ZNF184: variants seen among roughly 807,000 people sequenced by gnomAD.
ZNF184 encodes zinc finger protein 184.
ZNF184 carries 16 observed loss-of-function variants against 54.4 expected under a neutral mutation model. That is an observed-to-expected ratio of 0.29 (90% CI 0.20 to 0.45). The LOEUF is 0.45. Ranked by LOEUF, ZNF184 falls within the 20% of genes least tolerant of loss-of-function variation. The pLI is 1.00. For missense variants in ZNF184, 681 were observed against 888.2 expected (o/e 0.77, Z 2.97); for synonymous variants, 254 against 295.3 (o/e 0.86, Z 1.43).
intron 3 of ZNF184, among the ~76,000 whole-genome samples, chr6:27,464,546 A>G (rs1763075464): frequency 6.6e-6 from 1 of 152,230 alleles, no homozygotes; most frequent in Non-Finnish European, 1.5e-5. Flanking sequence ...AAAGAAGGTA[A>G]GAATAGAAGG....
chr6:27,437,194 T>C, the ZNF184 span, among the ~76,000 whole-genome samples: 3 of 152,218 alleles, frequency 2.0e-5, no homozygotes, highest in Non-Finnish European at 4.4e-5. Context: ...GTAGATGTAA[T>C]TAAGATTACT....
chr6:27,468,517 C>T (rs866539727), intron 2 of ZNF184, among the ~76,000 whole-genome samples: 1 of 152,180 alleles, frequency 6.6e-6, no homozygotes, highest in African/African-American at 2.4e-5. Flanking sequence ...AGCAATTCCA[C>T]TCCTGTCCTT....
At chr6:27,467,768 G>T in intron 3 of ZNF184, 85 bp downstream of exon 3, 1 of 1,312,114 alleles carries the variant, frequency 7.6e-7, no homozygotes, top group Non-Finnish European at 1.1e-6. Context: ...ATTGATTTTT[G>T]GATAAATAGA....
At chr6:27,436,775 A>G in the ZNF184 span, among the ~76,000 whole-genome samples, 1 of 152,240 alleles carries the variant, frequency 6.6e-6, no homozygotes, top group Non-Finnish European at 1.5e-5. Context: ...CTTGGAGAAA[A>G]GGAACACTGC....
intron 5 of ZNF184, among the ~76,000 whole-genome samples, chr6:27,454,518 G>A (rs1581576410): frequency 6.6e-6 from 1 of 152,318 alleles, no homozygotes; most frequent in East Asian, 1.9e-4. Flanking sequence ...TGCAAAGCAG[G>A]TAGCCATAAA....
chr6:27,416,268 G>A, the ZNF184 span, among the ~76,000 whole-genome samples: 18 of 152,262 alleles, frequency 1.2e-4, no homozygotes, highest in Non-Finnish European at 1.8e-4. Flanking sequence ...TAGGACTATC[G>A]TGAGAGAATT....
rs1374931073 is a variant in ZNF184 at position 27,451,296 on chromosome 6, A to C, written c.*7T>G. 1 of 1,573,628 alleles carries C rather than the reference A, an allele frequency of 6.4e-7. No homozygotes were observed. The highest frequency in any genetic ancestry group is 1.2e-5 in the South Asian group (1 of 84,386). On this transcript the variant is annotated 3_prime_UTR_variant, in exon 6 of 6. Transcript: ENST00000683788. The stretch of plus-strand genomic sequence containing the variant: ...TCTCCCCTAAATTTATGATGTTCCT[A>C]GAATTGTCATATGCCAGGATGCAGT...
chr6:27,449,965 T>C (rs1762681554), downstream of ZNF184, among the ~76,000 whole-genome samples: 1 of 152,176 alleles, frequency 6.6e-6, no homozygotes, highest in Admixed American at 6.5e-5. Flanking sequence ...ATATGTGACT[T>C]AGTTCACCAA....
chr6:27,447,765 G>C (rs1206471836), downstream of ZNF184, among the ~76,000 whole-genome samples: 1 of 152,144 alleles, frequency 6.6e-6, no homozygotes. Context: ...TAAGGGCTTT[G>C]CCCTCATAAA....
Position 27,459,047 on chromosome 6 carries a change from G to C in ZNF184, c.76-1638C>G, listed in dbSNP as rs369817563. Among the ~76,000 whole-genome samples the C allele has an allele frequency of 5.3e-5, 8 of 152,288 alleles. No individual in the cohort carries two copies. The East Asian group carries it at 7.7e-4, about 15-fold the overall frequency. ...CAAACAAAAACAAAACGAGCTCATA[G>C]AGAGTAGAATTGTGCTTACTAGAGG... is the stretch of plus-strand genomic sequence containing the variant. On this transcript the variant is annotated intron_variant, in intron 3 of 5. Coordinates refer to ENST00000683788, the MANE Select transcript of ZNF184 (RefSeq NM_001318891.2).
intron 3 of ZNF184, among the ~76,000 whole-genome samples, chr6:27,459,163 T>C (rs1468159750): frequency 6.6e-6 from 1 of 152,172 alleles, no homozygotes; most frequent in Non-Finnish European, 1.5e-5. Flanking sequence ...CCAGTGTCTA[T>C]AGCACTATAG....
At chr6:27,449,677 C>A (rs370890200), downstream of ZNF184, among the ~76,000 whole-genome samples, 1 of 152,066 alleles carries the variant, frequency 6.6e-6, no homozygotes, top group East Asian at 1.9e-4. Flanking sequence ...TCCTTTAAGC[C>A]CAGTTTGAGG....
At chr6:27,422,173 AAAGAAAG>A in the ZNF184 span, among the ~76,000 whole-genome samples, 1 of 33,290 alleles carries the variant, frequency 3.0e-5, no homozygotes, top group Non-Finnish European at 7.5e-5. Flanking sequence ...AGAAAGAAAG[AAAGAAAG>A]AAAGAAAGAA....
At chr6:27,417,993 A>G in the ZNF184 span, among the ~76,000 whole-genome samples, 6 of 152,212 alleles carry the variant, frequency 3.9e-5, no homozygotes, top group Non-Finnish European at 8.8e-5. Flanking sequence ...TCAGCCCCGT[A>G]GGTCCAGAAA....
At chr6:27,467,645 G>C (rs914476168) in intron 3 of ZNF184, among the ~76,000 whole-genome samples, 5 of 152,132 alleles carry the variant, frequency 3.3e-5, no homozygotes, top group African/African-American at 1.2e-4. Flanking sequence ...CATCCCTGGA[G>C]CATAGCAAGA....
Position 27,452,239 on chromosome 6 carries a change from A to G in ZNF184, c.1320T>C (p.His440=). 2 of 1,614,094 alleles carry G rather than the reference A, an allele frequency of 1.2e-6. No homozygotes were observed. The highest frequency in any genetic ancestry group is 1.7e-5 in the Admixed American group (1 of 60,010). Residue 440 remains histidine (H), a synonymous_variant, in exon 6 of 6, where the codon CAT becomes CAC. Transcript: ENST00000683788. The surrounding 1 kb of genome is among the most constrained non-coding windows in gnomAD (Gnocchi z 5.5). ...HSNLTQHQKT[H]TGEKPYDCAE... is the part of the protein sequence containing the mutation. ...CACAATCATAGGGTTTCTCCCCAGT[A>G]TGAGTTTTTTGATGCTGAGTGAGGT...
At chr6:27,464,343 A>G (rs1763070640) in intron 3 of ZNF184, among the ~76,000 whole-genome samples, 1 of 152,236 alleles carries the variant, frequency 6.6e-6, no homozygotes, top group Non-Finnish European at 1.5e-5. Context: ...AGTAAAATGT[A>G]TGGCAACAAT....
the ZNF184 span, among the ~76,000 whole-genome samples, chr6:27,434,334 T>C: frequency 6.6e-6 from 1 of 152,216 alleles, no homozygotes; most frequent in East Asian, 1.9e-4. Flanking sequence ...TAGCTAACAC[T>C]TGCTATTTTC....
chr6:27,410,398 A>G, the ZNF184 span, among the ~76,000 whole-genome samples: 1 of 152,240 alleles, frequency 6.6e-6, no homozygotes, highest in Non-Finnish European at 1.5e-5. Flanking sequence ...TCTCAGTTTA[A>G]GTAGGTGAAC....
Sources: allele counts gnomAD v4.1 joint callset (sites outside exome capture counted in the v4.1 genomes callset), GRCh38; gene constraint gnomAD v4.1.1; non-coding constraint Gnocchi (gnomAD v3.1); transcripts MANE v1.5; gene names NCBI Gene and HGNC (gene_info 2026-07-23, HGNC 2026-07-21).